Variants in CAMK2G observed in about 807,000 individuals in gnomAD.
CAMK2G encodes the protein calcium/calmodulin-dependent protein kinase type II subunit gamma.
CAMK2G carries 23 observed loss-of-function variants against 88.7 expected under a neutral mutation model. The observed-to-expected ratio is 0.26, with a 90% confidence interval of 0.19 to 0.37. The LOEUF is 0.37. CAMK2G is among the 10% of genes least tolerant of loss of function. The pLI is 1.00. For missense variants in CAMK2G, 476 were observed against 780.8 expected (o/e 0.61, Z 4.65); for synonymous variants, 263 against 294.8 (o/e 0.89, Z 1.11).
intron 18 of CAMK2G, among the ~76,000 whole-genome samples, chr10:73,820,256 G>A (rs7098573): frequency 0.63 from 95,684 of 151,208 alleles, 31,582 homozygotes; most frequent in Middle Eastern, 0.83. Flanking sequence ...AGAGATTCCC[G>A]GGGGTCCAGC....
At chr10:73,825,192 G>T (rs1203799926) in intron 16 of CAMK2G, 87 bp downstream of exon 16, 1 of 930,138 alleles carries the variant, frequency 1.1e-6, no homozygotes, top group Non-Finnish European at 1.8e-6. Context: ...CAGGCCAGGA[G>T]GCCAGGGAGG....
chr10:73,831,722 T>C (rs1248550259), intron 14 of CAMK2G, among the ~76,000 whole-genome samples: 1 of 151,154 alleles, frequency 6.6e-6, no homozygotes, highest in Admixed American at 6.6e-5. Context: ...CAGCCGGGCG[T>C]GGTGGCACAT....
At chr10:73,831,008 T>TC (rs1358846359) in intron 14 of CAMK2G, among the ~76,000 whole-genome samples, 2 of 152,154 alleles carry the variant, frequency 1.3e-5, no homozygotes, top group African/African-American at 4.8e-5. Context: ...TTCACAGGCC[T>TC]CCCTCATAAC....
intron 14 of CAMK2G, among the ~76,000 whole-genome samples, chr10:73,835,468 T>G (rs11000789): frequency 0.17 from 26,450 of 151,390 alleles, 2,369 homozygotes; most frequent in South Asian, 0.23. Flanking sequence ...AGTTAATTTT[T>G]TTTTTTTTTT....
At chr10:73,832,869 G>A (rs758147905) in intron 14 of CAMK2G, among the ~76,000 whole-genome samples, 35 of 151,612 alleles carry the variant, frequency 2.3e-4, no homozygotes, top group Admixed American at 6.6e-4. Flanking sequence ...TCTGTCCTGC[G>A]ACAGCCTCCT....
intron 18 of CAMK2G, among the ~76,000 whole-genome samples, chr10:73,820,663 ATTTTTTTTT>A (rs1198716305): frequency 3.7e-4 from 17 of 46,128 alleles, no homozygotes; most frequent in African/African-American, 1.1e-3. Context: ...CACCCGGCTA[ATTTTTTTTT>A]TTTTTTTTTT....
intron 3 of CAMK2G, among the ~76,000 whole-genome samples, chr10:73,858,786 T>C (rs1288774323): frequency 5.3e-5 from 8 of 152,260 alleles, no homozygotes; most frequent in Admixed American, 5.2e-4. Flanking sequence ...AAAGTATGTA[T>C]TTAATTCTAG....
intron 5 of CAMK2G, 69 bp from the exon 6 acceptor site, chr10:73,849,402 T>C (rs2094469541): frequency 9.0e-7 from 1 of 1,106,178 alleles, no homozygotes; most frequent in Non-Finnish European, 1.4e-6. Flanking sequence ...CACAACCACA[T>C]GCTGCAGACT....
chr10:73,817,922 C>T, intron 19 of CAMK2G: 1 of 265,730 alleles, frequency 3.8e-6, no homozygotes, highest in East Asian at 7.3e-5. Context: ...ACAAGCATCT[C>T]CCAATAAGGC....
intron 3 of CAMK2G, 60 bp downstream of exon 3, chr10:73,860,770 A>T (rs953196586): frequency 8.3e-7 from 1 of 1,207,224 alleles, no homozygotes; most frequent in Non-Finnish European, 1.2e-6. Flanking sequence ...AAAGCAGTGG[A>T]TATCTGTTAT....
intron 2 of CAMK2G, among the ~76,000 whole-genome samples, chr10:73,866,636 G>T (rs376113795): frequency 2.6e-5 from 4 of 152,196 alleles, no homozygotes; most frequent in African/African-American, 9.7e-5. Flanking sequence ...TTGCAGGTCT[G>T]TGCCTATGAC....
rs1173592966 is a variant in CAMK2G, at chr10:73,842,101, G to A, written c.946+68C>T. 2 of 1,283,850 alleles carry A rather than the reference G, an allele frequency of 1.6e-6. No individual in the cohort carries two copies. The highest frequency in any genetic ancestry group is 2.3e-6 in the Non-Finnish European group (2 of 878,852). The allele number at this position is 1,283,850 out of a possible 1,614,324, so 79.5% of individuals were successfully genotyped here. A position where few individuals can be genotyped will look rare whatever the true frequency, so the allele number is the denominator to read the frequency against. On this transcript the variant is annotated intron_variant, in intron 12 of 22. Coordinates refer to ENST00000423381, the MANE Select transcript of CAMK2G (RefSeq NM_001367534.1). The surrounding 1 kb of genome is among the most constrained non-coding windows in gnomAD (Gnocchi z 4.6). ...GCCGAGGAAACCCAGCGGTGCCCGG[G>A]ATGGCAACAGCCCATTCCTGATCCA...
intron 2 of CAMK2G, among the ~76,000 whole-genome samples, chr10:73,862,141 G>A (rs1317266830): frequency 2.0e-5 from 3 of 152,152 alleles, no homozygotes; most frequent in Admixed American, 2.0e-4. Context: ...GCTCCAGTAC[G>A]TGGGAAGAGA....
At position 73,852,241 on chromosome 10, in the gene CAMK2G, G is replaced by A. The variant is rs779070363; in HGVS notation, c.341+13C>T. 12 of 1,608,454 alleles carry A rather than the reference G, an allele frequency of 7.5e-6. No individual in the cohort carries two copies. The Admixed American group carries it at 8.3e-5, about 11-fold the overall frequency. On this transcript the variant is annotated intron_variant, in intron 5 of 22. Coordinates refer to ENST00000423381, the MANE Select transcript of CAMK2G (RefSeq NM_001367534.1). ...TCCAGAGCTACATTTGAACTCTCGG[G>A]CCCTCATCCTACCTGGCATCTGCTT... is the stretch of plus-strand genomic sequence containing the variant.
chr10:73,835,226 T>C (rs565915423), intron 14 of CAMK2G, among the ~76,000 whole-genome samples: 1 of 151,884 alleles, frequency 6.6e-6, no homozygotes, highest in African/African-American at 2.4e-5. Context: ...CTGCCTTGTG[T>C]CTCTCCCACT....
At chr10:73,841,888 G>C (rs1414851924) in intron 12 of CAMK2G, 1 of 441,226 alleles carries the variant, frequency 2.3e-6, no homozygotes, top group Non-Finnish European at 4.1e-6. Context: ...AGAGTCTTCA[G>C]AGAGTTAAAT....
intron 12 of CAMK2G, chr10:73,841,928 A>G: frequency 1.8e-6 from 1 of 548,410 alleles, no homozygotes; most frequent in South Asian, 2.1e-5. Context: ...GTACATAGCA[A>G]GTTGGGCAGG....
chr10:73,815,011 G>T lies in CAMK2G; in HGVS notation c.*4C>A, dbSNP rs769396006. On this transcript the variant is annotated 3_prime_UTR_variant, in exon 22 of 23. Transcript: ENST00000423381. ...CCGTCAACCAGGTGCACCTGTGGCT[G>T]AGCTCACTGCAGCGGTGCGGCAGGG... 4 of 1,607,674 alleles carry T rather than the reference G, an allele frequency of 2.5e-6. No individual in the cohort carries two copies. In the Admixed American group the frequency reaches 6.7e-5, roughly 27 times the overall value.
intron 4 of CAMK2G, chr10:73,852,525 C>A (rs369558157): frequency 2.2e-5 from 12 of 555,430 alleles, no homozygotes; most frequent in Non-Finnish European, 2.9e-5. Flanking sequence ...CCCTTCCTTC[C>A]GGACATTTCT....
Sources: allele counts gnomAD v4.1 joint callset (sites outside exome capture counted in the v4.1 genomes callset), GRCh38; gene constraint gnomAD v4.1.1; non-coding constraint Gnocchi (gnomAD v3.1); transcripts MANE v1.5; gene names NCBI Gene and HGNC (gene_info 2026-07-23, HGNC 2026-07-21).